UGT2B11: variants seen among roughly 807,000 people sequenced by gnomAD.
UGT2B11 encodes UDP-glucuronosyltransferase 2B11.
Under a neutral mutation model 51.7 loss-of-function variants are expected in UGT2B11, and 49 were observed. That is an observed-to-expected ratio of 0.95 (90% CI 0.75 to 1.20). The LOEUF (loss-of-function observed/expected upper bound fraction) is 1.20, where lower values mean the gene tolerates loss of function less well. Ranked by LOEUF, UGT2B11 falls within the 50% of genes most tolerant of loss-of-function variation. The pLI is 0.00. For synonymous variants in UGT2B11, 273 were observed against 209.0 expected, an observed-to-expected ratio of 1.31 and a Z score of -2.64; for missense variants, 810 against 622.1, an observed-to-expected ratio of 1.30 and a Z score of -3.21.
intron 5 of UGT2B11, among the ~76,000 whole-genome samples, chr4:69,202,195 T>C (rs1721683820): frequency 6.6e-6 from 1 of 151,754 alleles, no homozygotes; most frequent in Non-Finnish European, 1.5e-5. Flanking sequence ...ATATTTGGGT[T>C]GCTAACAATT....
At chr4:69,211,701 C>A (rs1033816017) in intron 2 of UGT2B11, among the ~76,000 whole-genome samples, 1 of 151,474 alleles carries the variant, frequency 6.6e-6, no homozygotes, top group Non-Finnish European at 1.5e-5. Context: ...TCCACTTTTC[C>A]ATCATCTGTT....
chr4:69,201,849 A>C (rs952188061), intron 5 of UGT2B11, among the ~76,000 whole-genome samples: 4 of 151,892 alleles, frequency 2.6e-5, no homozygotes, highest in Non-Finnish European at 5.9e-5. Flanking sequence ...ACATACACTA[A>C]GTGAATAGTT....
chr4:69,203,890 T>G (rs375824536), intron 5 of UGT2B11, among the ~76,000 whole-genome samples: 1 of 151,210 alleles, frequency 6.6e-6, no homozygotes, highest in South Asian at 2.1e-4. Flanking sequence ...TTTGTGTTGA[T>G]AAAAATGTTC....
At chr4:69,219,106 C>A (rs572317186), upstream of UGT2B11, among the ~76,000 whole-genome samples, 7 of 152,202 alleles carry the variant, frequency 4.6e-5, no homozygotes, top group South Asian at 1.2e-3. Context: ...CCTCCATCCA[C>A]ACTCAGTATT....
In UGT2B11 at chr4:69,200,331, T is replaced by TGG; in HGVS notation, c.*108_*109insCC. ...TTGAAAATTTTTTTTTTTTTTTTTT[T>TGG]TTTGTCACAGGAAGAAAGAAATCTT... On this transcript the variant is annotated 3_prime_UTR_variant, in exon 6 of 6. Transcript: ENST00000446444. 8.3e-7 allele frequency: 1 copy of TGG among 1,197,728 alleles called. No homozygotes were observed. 74.2% of individuals were successfully genotyped at this position (1,197,728 alleles called of 1,614,324 possible).
intron 4 of UGT2B11, 25 bp downstream of exon 4, chr4:69,205,455 C>T: frequency 6.2e-7 from 1 of 1,603,118 alleles, no homozygotes; most frequent in Non-Finnish European, 8.5e-7. Context: ...CTAATATATC[C>T]AGTATTTGTT....
chr4:69,211,511 T>C (rs1184365370), intron 2 of UGT2B11, among the ~76,000 whole-genome samples: 1 of 151,630 alleles, frequency 6.6e-6, no homozygotes, highest in Non-Finnish European at 1.5e-5. Context: ...TAGTTAGTAG[T>C]ATTAGTAATA....
intron 1 of UGT2B11, among the ~76,000 whole-genome samples, chr4:69,213,404 A>G (rs1471948527): frequency 6.6e-6 from 1 of 151,780 alleles, no homozygotes; most frequent in African/African-American, 2.4e-5. Context: ...ACACTTCAAC[A>G]AGATAATTGG....
At chr4:69,202,316 A>T (rs1199548070) in intron 5 of UGT2B11, among the ~76,000 whole-genome samples, 1 of 151,744 alleles carries the variant, frequency 6.6e-6, no homozygotes, top group African/African-American at 2.4e-5. Context: ...GCTGAGATAA[A>T]AGTGCATGCA....
upstream of UGT2B11, among the ~76,000 whole-genome samples, chr4:69,218,410 TG>T (rs575946524): frequency 8.6e-3 from 1,309 of 152,258 alleles, 16 homozygotes; most frequent in African/African-American, 0.029. Flanking sequence ...CAAATTATGA[TG>T]GTAATCTTTT....
At chr4:69,222,508 A>G in the UGT2B11 span, among the ~76,000 whole-genome samples, 813 of 152,266 alleles carry the variant, frequency 5.3e-3, 11 homozygotes, top group African/African-American at 0.017. Flanking sequence ...GTCTACACTG[A>G]GGACTGCCTG....
intron 5 of UGT2B11, among the ~76,000 whole-genome samples, chr4:69,202,985 T>A (rs1721713861): frequency 1.3e-5 from 2 of 151,664 alleles, no homozygotes; most frequent in South Asian, 4.1e-4. Context: ...TTTTTCACAT[T>A]GTTATCTTTG....
upstream of UGT2B11, among the ~76,000 whole-genome samples, chr4:69,217,411 G>A (rs540032944): frequency 1.3e-4 from 20 of 152,136 alleles, no homozygotes; most frequent in South Asian, 1.9e-3. Context: ...AATATTGCCT[G>A]CAGAGTGGCA....
chr4:69,209,537 T>C (rs1721980722), intron 2 of UGT2B11, among the ~76,000 whole-genome samples: 1 of 151,686 alleles, frequency 6.6e-6, no homozygotes, highest in Non-Finnish European at 1.5e-5. Context: ...GATTTAATCA[T>C]TGGGGTAAAA....
At chr4:69,222,836 G>T in the UGT2B11 span, among the ~76,000 whole-genome samples, 1,766 of 152,266 alleles carry the variant, frequency 0.012, 34 homozygotes, top group African/African-American at 0.039. Flanking sequence ...GCTTATAAGG[G>T]ACATAGTTTG....
At chr4:69,209,389 A>G (rs899939668) in intron 2 of UGT2B11, among the ~76,000 whole-genome samples, 8 of 151,682 alleles carry the variant, frequency 5.3e-5, no homozygotes, top group African/African-American at 1.9e-4. Context: ...TCTTCAGGAG[A>G]GATCTTGTCT....
chr4:69,218,367 G>A (rs1180424495), upstream of UGT2B11, among the ~76,000 whole-genome samples: 5 of 152,148 alleles, frequency 3.3e-5, no homozygotes, highest in South Asian at 8.3e-4. Flanking sequence ...CCTGGAATGT[G>A]ATAATTTAAA....
At chr4:69,215,107 T>C (rs565698237), upstream of UGT2B11, 117 of 166,330 alleles carry the variant, frequency 7.0e-4, 1 homozygote, top group African/African-American at 2.6e-3. Flanking sequence ...CGTGGTTCAA[T>C]GAATATCTTG....
upstream of UGT2B11, chr4:69,216,910 T>C (rs1377986512): frequency 6.6e-6 from 1 of 152,072 alleles, no homozygotes; most frequent in Non-Finnish European, 1.5e-5. Context: ...AGGGGTGTGA[T>C]CTATTCTTAT....
Sources: allele counts gnomAD v4.1 joint callset (sites outside exome capture counted in the v4.1 genomes callset), GRCh38; gene constraint gnomAD v4.1.1; transcripts MANE v1.5; gene names NCBI Gene and HGNC (gene_info 2026-07-23, HGNC 2026-07-21).